The following OTOG variants were observed in gnomAD, a reference collection of about 807,000 sequenced individuals.
The protein encoded by OTOG is otogelin.
OTOG carries 296 observed loss-of-function variants against 313.8 expected under a neutral mutation model. The observed-to-expected ratio is 0.94, with a 90% CI of 0.86 to 1.04. The LOEUF (loss-of-function observed/expected upper bound fraction) is 1.04, where lower values mean the gene tolerates loss of function less well. Ranked by LOEUF, OTOG falls within the 50% of genes least tolerant of loss-of-function variation. The pLI is 0.00. For missense variants in OTOG, 3,948 were observed against 3,840.1 expected (o/e 1.03, Z -0.74); for synonymous variants, 1,533 against 1,554.9 (o/e 0.99, Z 0.33).
intron 40 of OTOG, 72 bp from the exon 41 acceptor site, chr11:17,631,630 A>C: frequency 7.8e-7 from 1 of 1,284,552 alleles, no homozygotes; most frequent in Non-Finnish European, 1.1e-6. Flanking sequence ...TGAGGAATAC[A>C]AAAAGTGAGA....
intron 34 of OTOG, 143 bp downstream of exon 34, chr11:17,608,556 G>A: frequency 1.7e-6 from 1 of 599,440 alleles, no homozygotes; most frequent in Non-Finnish European, 2.8e-6. Context: ...TTCCGTATAT[G>A]CACATATGTC....
intron 23 of OTOG, among the ~76,000 whole-genome samples, chr11:17,585,986 T>C (rs10832814): frequency 0.23 from 35,728 of 152,138 alleles, 4,936 homozygotes; most frequent in African/African-American, 0.4. Context: ...TGCTATGGCC[T>C]GAGATCTTTA....
At chr11:17,576,495 T>C in intron 20 of OTOG, 61 bp from the exon 21 acceptor site, 2 of 1,396,630 alleles carry the variant, frequency 1.4e-6, no homozygotes, top group Admixed American at 3.9e-5. Context: ...TCCCTGTCCT[T>C]GGCAGTCTCT....
intron 47 of OTOG, 82 bp downstream of exon 47, chr11:17,635,793 A>G: frequency 8.7e-7 from 1 of 1,152,724 alleles, no homozygotes; most frequent in Non-Finnish European, 1.3e-6. Flanking sequence ...ATGGGGGTTG[A>G]CAGGGAGCAA....
intron 32 of OTOG, among the ~76,000 whole-genome samples, chr11:17,604,237 C>T (rs1015002151): frequency 2.0e-5 from 3 of 152,218 alleles, no homozygotes; most frequent in African/African-American, 2.4e-5. Flanking sequence ...AGTACAGCCC[C>T]GGACTCTGCA....
At chr11:17,623,305 A>G (rs1459694377) in intron 39 of OTOG, among the ~76,000 whole-genome samples, 1 of 151,690 alleles carries the variant, frequency 6.6e-6, no homozygotes, top group Admixed American at 6.6e-5. Flanking sequence ...CCCACCTGAC[A>G]CCCTCCAGTA....
intron 39 of OTOG, among the ~76,000 whole-genome samples, chr11:17,618,718 A>G (rs1365117333): frequency 6.6e-6 from 1 of 152,188 alleles, no homozygotes; most frequent in African/African-American, 2.4e-5. Context: ...ATTCACATAT[A>G]TTGAAATTCT....
chr11:17,552,615 T>TGTGTCTCCCCCCTGTC (rs1454853324), intron 4 of OTOG, among the ~76,000 whole-genome samples: 2 of 150,920 alleles, frequency 1.3e-5, no homozygotes, highest in African/African-American at 4.9e-5. Flanking sequence ...CCACCTGTCC[T>TGTGTCTCCCCCCTGTC]CTCACATCAT....
At chr11:17,607,589 A>T (rs890365545) in intron 33 of OTOG, among the ~76,000 whole-genome samples, 15 of 152,196 alleles carry the variant, frequency 9.9e-5, no homozygotes, top group African/African-American at 3.1e-4. Context: ...TCCGTGTGAG[A>T]TATTTTGGGT....
At position 17,631,666 on chromosome 11, in the gene OTOG, T is replaced by A. The variant is rs1399497122; in HGVS notation, c.6713-36T>A. On this transcript the variant is annotated intron_variant, in intron 40 of 55. Transcript: ENST00000399397. ...GCTGACGACATGGGAGTGGTAGTGA[T>A]GATCGTGGCTGTTGGGATTGTTTGG... 8 of 1,499,866 alleles carry A rather than the reference T, an allele frequency of 5.3e-6. No individual in the cohort carries two copies. In the East Asian group the frequency reaches 2.0e-4, roughly 37 times the overall value. The allele number at this position is 1,499,866 out of a possible 1,614,324, so 92.9% of individuals were successfully genotyped here.
At chr11:17,609,351 G>A in intron 35 of OTOG, 142 bp downstream of exon 35, 1 of 748,630 alleles carries the variant, frequency 1.3e-6, no homozygotes, top group South Asian at 1.8e-5. Flanking sequence ...ACAGGCACAG[G>A]GGATGCAGAG....
chr11:17,637,225 ACT>A (rs1854288201), intron 47 of OTOG, among the ~76,000 whole-genome samples: 2 of 151,642 alleles, frequency 1.3e-5, no homozygotes, highest in East Asian at 2.0e-4. Context: ...TCCTGGACAT[ACT>A]CTTTTTTTTT....
intron 40 of OTOG, among the ~76,000 whole-genome samples, chr11:17,630,819 G>A (rs1043812454): frequency 1.3e-5 from 2 of 152,182 alleles, no homozygotes; most frequent in African/African-American, 4.8e-5. Context: ...TGTGTGTCTG[G>A]AGCATATAGA....
rs75376478 is a variant in OTOG at position 17,640,112 on chromosome 11, G to T, written c.7936-633G>T. ...GATGATGTTGATGACAATCATGACG[G>T]TAGCTAATGTTTACTGAGAGCTTAC... On this transcript the variant is annotated intron_variant, in intron 49 of 55. Coordinates refer to ENST00000399397, the MANE Select transcript of OTOG (RefSeq NM_001292063.2). Among the ~76,000 whole-genome samples, 98 of 152,276 alleles carry T rather than the reference G, an allele frequency of 6.4e-4. 2 individuals carry two copies. The East Asian group carries it at 0.018, about 28-fold the overall frequency.
chr11:17,602,400 T>C (rs1209539645), intron 32 of OTOG, 23 bp downstream of exon 32: 3 of 1,542,278 alleles, frequency 1.9e-6, no homozygotes, highest in Non-Finnish European at 2.6e-6. Flanking sequence ...CCAGTCCCAC[T>C]CCAGCTCTTC....
At chr11:17,576,731 C>A in intron 21 of OTOG, 101 bp downstream of exon 21, 1 of 1,449,888 alleles carries the variant, frequency 6.9e-7, no homozygotes, top group South Asian at 1.2e-5. Flanking sequence ...GGACACCCAG[C>A]CCTGCTCTGT....
chr11:17,638,393 G>A, intron 47 of OTOG, 58 bp from the exon 48 acceptor site: 2 of 1,385,870 alleles, frequency 1.4e-6, no homozygotes, highest in Non-Finnish European at 9.8e-7. Flanking sequence ...GCCCTTCTGA[G>A]GATTCACATC....
Position 17,611,259 on chromosome 11 carries a change from G to C in OTOG, c.5959G>C (p.Ala1987Pro). ...CATGCTGGTTCTGTTGCCTCAGCTG[G>C]CTGAGGCCCATGGAACCTCGGCAGG... ...DSMLVLLPQL[A>P]EAHGTSAGPH... The change falls in exon 36 of 56, where the codon GCT becomes CCT. Residue 1987 changes from alanine (A) to proline (P), a missense_variant. Transcript: ENST00000399397. 1 of 1,550,450 alleles carries C rather than the reference G, an allele frequency of 6.4e-7. No homozygotes were observed.
chr11:17,600,756 G>C (rs994173220), intron 31 of OTOG, among the ~76,000 whole-genome samples: 11 of 152,312 alleles, frequency 7.2e-5, no homozygotes, highest in South Asian at 2.1e-4. Flanking sequence ...ATCAGGCAAG[G>C]CATTTCAGCA....
Sources: gnomAD v4.1 joint callset for allele counts (sites outside exome capture counted in the v4.1 genomes callset) on GRCh38, gnomAD v4.1.1 for gene constraint, MANE v1.5 for transcripts, NCBI Gene and HGNC (gene_info 2026-07-23, HGNC 2026-07-21) for gene names.